The following ING5 variants were observed in gnomAD, a reference collection of about 807,000 sequenced individuals.
ING5 encodes the protein inhibitor of growth protein 5.
ING5 carries 17 observed loss-of-function variants against 37.4 expected under a neutral mutation model. The observed-to-expected ratio is 0.45, with a 90% CI of 0.31 to 0.68. The LOEUF is 0.68. Among genes scored for constraint, ING5 ranks in the 30% least tolerant of loss-of-function variants. The probability of loss-of-function intolerance (pLI) is 0.05; values close to 1 mark genes in which losing one functional copy is unlikely to be tolerated. For synonymous variants in ING5, 123 were observed against 116.6 expected (o/e 1.06, Z -0.36); for missense variants, 233 against 311.9 (o/e 0.75, Z 1.91).
At chr2:241,723,686 C>G in intron 7 of ING5, 1 of 1,416,594 alleles carries the variant, frequency 7.1e-7, no homozygotes, top group South Asian at 1.2e-5. Flanking sequence ...GGGCATGGAT[C>G]TGGGGCTCTG....
rs1443506082 is a variant in ING5 at position 241,728,355 on chromosome 2, G to T, written c.*3324G>T. The T allele has an allele frequency of 6.5e-6, 1 of 152,822 alleles. No individual in the cohort carries two copies. 9.5% of individuals were successfully genotyped at this position (152,822 alleles called of 1,614,324 possible). A position where few individuals can be genotyped will look rare whatever the true frequency, so the allele number is the denominator to read the frequency against. On this transcript the variant is annotated 3_prime_UTR_variant, in exon 8 of 8. Coordinates refer to ENST00000313552, the MANE Select transcript of ING5 (RefSeq NM_032329.6). ...CCCCCTCCACAGCTGCCCGGCCCCA[G>T]ACCCATCTCTTGGATTGAGGGTGTG...
chr2:241,693,080 G>C (rs2069578819), intron 2 of ING5, among the ~76,000 whole-genome samples: 2 of 151,918 alleles, frequency 1.3e-5, no homozygotes, highest in South Asian at 4.2e-4. Flanking sequence ...CCAACGTGGT[G>C]AAACCCCGTC....
chr2:241,720,287 C>T (rs868530395), intron 5 of ING5: 1 of 1,227,690 alleles, frequency 8.1e-7, no homozygotes. Flanking sequence ...TATTCACGCC[C>T]CTCGTGGTCA....
intron 5 of ING5, 25 bp from the exon 6 acceptor site, chr2:241,722,894 TTCCCACCATGGCCTTCAGTG>T (rs2070465965): frequency 3.1e-6 from 5 of 1,609,152 alleles, no homozygotes; most frequent in Non-Finnish European, 4.2e-6. Context: ...GCCGCCTCAC[TTCCCACCATGGCCTTCAGTG>T]GTGCCTGTGC....
chr2:241,722,234 G>T lies in ING5; in HGVS notation c.483-705G>T, dbSNP rs1165767219. On this transcript the variant is annotated intron_variant, in intron 5 of 7. Coordinates refer to ENST00000313552, the MANE Select transcript of ING5 (RefSeq NM_032329.6). ...TGGGAGGCTGGCAGGCTTCTCTCAG[G>T]TGTCAGCCGTCTGCTGGCAGAGGTG... 4.1e-6 allele frequency: 4 copies of T among 985,304 alleles called. No individual in the cohort carries two copies. The East Asian group carries it at 4.5e-4, about 112-fold the overall frequency. 61.0% of individuals were successfully genotyped at this position (985,304 alleles called of 1,614,324 possible). A position where few individuals can be genotyped will look rare whatever the true frequency, so the allele number is the denominator to read the frequency against.
Position 241,721,626 on chromosome 2 carries a change from G to A in ING5, c.483-1313G>A, listed in dbSNP as rs892861676. The A allele has an allele frequency of 1.9e-5, 19 of 985,234 alleles. No individual in the cohort carries two copies. The African/African-American group carries it at 2.1e-4, about 11-fold the overall frequency. 61.0% of individuals were successfully genotyped at this position (985,234 alleles called of 1,614,324 possible). On this transcript the variant is annotated intron_variant, in intron 5 of 7. Coordinates refer to ENST00000313552, the MANE Select transcript of ING5 (RefSeq NM_032329.6). Reference sequence around the variant, plus strand: ...CCCTGATCGTGACTGTTTTTCTCACGGCCACGTTCCTCCTGCTAACCTGCT... The same window carrying A: ...CCCTGATCGTGACTGTTTTTCTCACAGCCACGTTCCTCCTGCTAACCTGCT...
chr2:241,728,616 T>A lies in ING5; in HGVS notation c.*3585T>A, dbSNP rs1049517086. ...TCTGCGAATGTGCCCTAGGTGCTGC[T>A]GCTGGGGACATGGATGCCAAGCGGA... On this transcript the variant is annotated 3_prime_UTR_variant, in exon 8 of 8. Transcript: ENST00000313552. The A allele has an allele frequency of 6.6e-6, 1 of 152,586 alleles. No individual in the cohort carries two copies. The highest frequency in any genetic ancestry group is 2.4e-5 in the African/African-American group (1 of 41,464). The allele number at this position is 152,586 out of a possible 1,614,324, so 9.5% of individuals were successfully genotyped here. A position where few individuals can be genotyped will look rare whatever the true frequency, so the allele number is the denominator to read the frequency against.
chr2:241,690,803 CT>C (rs113792539), intron 2 of ING5: 35,516 of 320,730 alleles, frequency 0.11, 304 homozygotes, highest in East Asian at 0.28. Context: ...TCTCTGCTTG[CT>C]TTTTTTTTTT....
exon 1 of ING5, chr2:241,687,590 C>T (rs948750104): frequency 2.8e-6 from 1 of 357,434 alleles, no homozygotes; most frequent in Non-Finnish European, 5.0e-6. Context: ...TGCGGTGGCG[C>T]GATCTCTGCT....
At position 241,704,812 on chromosome 2, in the gene ING5, AG is replaced by A. The variant is rs547890201; in HGVS notation, c.109+92del. ...TGAAGGCTGGGGGCAGAGGGTTTTG[AG>A]GGGACCCAGGTTAGTGGGGCATTGG... On this transcript the variant is annotated intron_variant, in intron 2 of 7. Coordinates refer to ENST00000313552, the MANE Select transcript of ING5 (RefSeq NM_032329.6). The A allele has an allele frequency of 1.1e-3, 1,210 of 1,094,892 alleles. 4 individuals are homozygous for A. In the African/African-American group the frequency reaches 0.017, roughly 15 times the overall value. 67.8% of individuals were successfully genotyped at this position (1,094,892 alleles called of 1,614,324 possible).
chr2:241,699,388 G>C (rs1559296800), upstream of ING5, among the ~76,000 whole-genome samples: 1 of 152,068 alleles, frequency 6.6e-6, no homozygotes, highest in African/African-American at 2.4e-5. Context: ...TATTTGACTG[G>C]GGTTTAGGGA....
At position 241,729,105 on chromosome 2, in the gene ING5, A is replaced by G. The variant is rs1027392546; in HGVS notation, c.*4074A>G. 1 of 152,470 alleles carries G rather than the reference A, an allele frequency of 6.6e-6. No individual in the cohort carries two copies. Among genetic ancestry groups the G allele is most frequent in the African/African-American group, 2.4e-5 (1 of 41,454 alleles). The allele number at this position is 152,470 out of a possible 1,614,324, so 9.4% of individuals were successfully genotyped here. On this transcript the variant is annotated 3_prime_UTR_variant, in exon 8 of 8. Coordinates refer to ENST00000313552, the MANE Select transcript of ING5 (RefSeq NM_032329.6). ...GAGGGATGTTAATTATGGGCATTGAAGACTTAAGGTTTTCTTAAATTTTTA... is the reference window on the plus strand; with the variant it reads ...GAGGGATGTTAATTATGGGCATTGAGGACTTAAGGTTTTCTTAAATTTTTA...
chr2:241,709,171 A>G (rs2070023957), intron 2 of ING5, 45 bp from the exon 3 acceptor site: 8 of 1,571,172 alleles, frequency 5.1e-6, no homozygotes, highest in Non-Finnish European at 6.9e-6. Flanking sequence ...TGAGCACATC[A>G]TGGTGTCTTG....
intron 3 of ING5, 107 bp downstream of exon 3, chr2:241,709,489 T>A: frequency 1.9e-6 from 2 of 1,054,846 alleles, no homozygotes; most frequent in East Asian, 5.1e-5. Flanking sequence ...AGTGGAAGGC[T>A]GGCTTTGGTA....
At chr2:241,722,813 G>C in intron 5 of ING5, 126 bp from the exon 6 acceptor site, 1 of 1,521,744 alleles carries the variant, frequency 6.6e-7, no homozygotes, top group African/African-American at 1.4e-5. Flanking sequence ...TTTCCCCCTT[G>C]GAATGATTGT....
At chr2:241,700,217 C>T (rs1372709366), upstream of ING5, among the ~76,000 whole-genome samples, 2 of 136,334 alleles carry the variant, frequency 1.5e-5, no homozygotes, top group Non-Finnish European at 3.0e-5. Context: ...AGTGCAATGG[C>T]ACGATCTCGG....
At chr2:241,701,062 C>T (rs1363808961), upstream of ING5, among the ~76,000 whole-genome samples, 1 of 149,862 alleles carries the variant, frequency 6.7e-6, no homozygotes, top group Non-Finnish European at 1.5e-5. Flanking sequence ...ACCTCCGCCT[C>T]CCGGGCTCAG....
chr2:241,709,596 T>A (rs2070044014), intron 3 of ING5, among the ~76,000 whole-genome samples: 1 of 150,496 alleles, frequency 6.6e-6, no homozygotes, highest in Non-Finnish European at 1.5e-5. Flanking sequence ...TGTTTGTGTA[T>A]CTGCTCGGAG....
chr2:241,725,409 C>T lies in ING5; in HGVS notation c.*378C>T. 4.7e-6 allele frequency: 1 copy of T among 213,508 alleles called. No individual in the cohort carries two copies. The highest frequency in any genetic ancestry group is 6.7e-5 in the South Asian group (1 of 14,906). 13.2% of individuals were successfully genotyped at this position (213,508 alleles called of 1,614,324 possible). ...GTAGCTTTCCTGTGGTTTTCCAGGA[C>T]TGTCCGGTACAGCCCGGGCTCCGCG... On this transcript the variant is annotated 3_prime_UTR_variant, in exon 8 of 8. Transcript: ENST00000313552.
Sources: gnomAD v4.1 joint callset for allele counts (sites outside exome capture counted in the v4.1 genomes callset) on GRCh38, gnomAD v4.1.1 for gene constraint, MANE v1.5 for transcripts, NCBI Gene and HGNC (gene_info 2026-07-23, HGNC 2026-07-21) for gene names.